The following ERBB4 variants were observed in gnomAD, a reference collection of about 807,000 sequenced individuals.
The protein encoded by ERBB4 is receptor tyrosine-protein kinase erbB-4.
Under a neutral mutation model 158.0 loss-of-function variants are expected in ERBB4, and 42 were observed. The observed-to-expected ratio is 0.27, with a 90% CI of 0.21 to 0.34. The LOEUF is 0.34. Among genes scored for constraint, ERBB4 ranks in the 10% least tolerant of loss-of-function variants. ERBB4 has a pLI of 1.00. For missense variants in ERBB4, 1,333 were observed against 1,624.1 expected (o/e 0.82, Z 3.08); for synonymous variants, 583 against 558.7 (o/e 1.04, Z -0.61).
chr2:211,408,339 A>G (rs1377257738), intron 25 of ERBB4, among the ~76,000 whole-genome samples: 1 of 152,182 alleles, frequency 6.6e-6, no homozygotes, highest in East Asian at 1.9e-4. Context: ...AACATTCATT[A>G]ACATTCTCAA....
At chr2:211,531,905 C>A (rs1369379408) in intron 20 of ERBB4, among the ~76,000 whole-genome samples, 1 of 152,032 alleles carries the variant, frequency 6.6e-6, no homozygotes, top group Non-Finnish European at 1.5e-5. Flanking sequence ...TTGGAAGCAA[C>A]CTAAATGTCC....
intron 1 of ERBB4, among the ~76,000 whole-genome samples, chr2:212,441,225 T>A (rs2105976968): frequency 6.6e-6 from 1 of 152,290 alleles, no homozygotes; most frequent in Non-Finnish European, 1.5e-5. Context: ...AGCTTCCCCA[T>A]CCCCAGTAGT....
intron 1 of ERBB4, among the ~76,000 whole-genome samples, chr2:212,302,665 G>T (rs59616461): frequency 0.048 from 7,321 of 151,508 alleles, 597 homozygotes; most frequent in African/African-American, 0.17. Flanking sequence ...AGAAAGAGAT[G>T]AATGGCTCTT....
chr2:211,704,802 T>A (rs1329639473), intron 10 of ERBB4, among the ~76,000 whole-genome samples: 1 of 152,206 alleles, frequency 6.6e-6, no homozygotes, highest in Non-Finnish European at 1.5e-5. Flanking sequence ...CTTTCAAAGA[T>A]ACTCATTTTG....
At chr2:211,560,982 T>C (rs1365543892) in intron 20 of ERBB4, among the ~76,000 whole-genome samples, 1 of 152,202 alleles carries the variant, frequency 6.6e-6, no homozygotes, top group Non-Finnish European at 1.5e-5. Flanking sequence ...AAAATATCTA[T>C]GGAATCTTAA....
chr2:212,061,214 T>A (rs1170490209), intron 2 of ERBB4, among the ~76,000 whole-genome samples: 1 of 151,508 alleles, frequency 6.6e-6, no homozygotes, highest in Non-Finnish European at 1.5e-5. Flanking sequence ...GCCAGCATTT[T>A]GGGAGGCTGA....
intron 1 of ERBB4, among the ~76,000 whole-genome samples, chr2:212,304,131 T>C (rs2086723305): frequency 6.6e-6 from 1 of 151,546 alleles, no homozygotes; most frequent in African/African-American, 2.4e-5. Flanking sequence ...CAAAATGCTT[T>C]CAGCAGAATC....
intron 22 of ERBB4, among the ~76,000 whole-genome samples, chr2:211,424,566 C>T (rs575159520): frequency 6.6e-6 from 1 of 152,144 alleles, no homozygotes; most frequent in South Asian, 2.1e-4. Context: ...CATATAGAAT[C>T]TGTTCCCCAT....
intron 25 of ERBB4, among the ~76,000 whole-genome samples, chr2:211,408,577 G>A (rs550205486): frequency 4.6e-5 from 7 of 152,272 alleles, no homozygotes; most frequent in Middle Eastern, 3.4e-3. Context: ...TCTAAGACAC[G>A]CATTGTCTTA....
At chr2:211,688,267 T>G (rs2072650798) in intron 12 of ERBB4, among the ~76,000 whole-genome samples, 1 of 152,212 alleles carries the variant, frequency 6.6e-6, no homozygotes, top group Non-Finnish European at 1.5e-5. Context: ...TTAATATTTC[T>G]TACAGCGCAG....
At chr2:212,512,327 TATATATATATACACACAA>T (rs1212905097) in intron 1 of ERBB4, among the ~76,000 whole-genome samples, 2 of 143,994 alleles carry the variant, frequency 1.4e-5, no homozygotes, top group African/African-American at 5.8e-5. Context: ...ATATTGAGTA[TATATATATATACACACAA>T]ATATATATAT....
chr2:212,151,281 AG>A (rs1305236193), intron 1 of ERBB4, among the ~76,000 whole-genome samples: 4 of 150,852 alleles, frequency 2.7e-5, no homozygotes, highest in African/African-American at 9.7e-5. Context: ...TATACATTAT[AG>A]GGGTTTAATA....
At chr2:212,410,279 GAAC>G in intron 1 of ERBB4, among the ~76,000 whole-genome samples, 1 of 141,454 alleles carries the variant, frequency 7.1e-6, no homozygotes, top group East Asian at 2.0e-4. Context: ...AGAGAGTAAA[GAAC>G]AATAGTAAAC....
intron 25 of ERBB4, among the ~76,000 whole-genome samples, chr2:211,399,359 A>G (rs2125349101): frequency 6.6e-6 from 1 of 152,344 alleles, no homozygotes; most frequent in Admixed American, 6.5e-5. Context: ...GAATCAAAGG[A>G]GAGATTAAAA....
chr2:211,495,904 T>A (rs1421889898), intron 20 of ERBB4, among the ~76,000 whole-genome samples: 1 of 152,010 alleles, frequency 6.6e-6, no homozygotes, highest in Non-Finnish European at 1.5e-5. Flanking sequence ...AAGAGAAACC[T>A]ATATAACATG....
At chr2:212,018,272 C>A (rs1390135304) in intron 2 of ERBB4, among the ~76,000 whole-genome samples, 1 of 152,136 alleles carries the variant, frequency 6.6e-6, no homozygotes, top group Admixed American at 6.6e-5. Flanking sequence ...ATTCTCTCAC[C>A]TTTAGGTTTA....
At chr2:211,566,190 A>G (rs943887071) in intron 19 of ERBB4, among the ~76,000 whole-genome samples, 4 of 152,214 alleles carry the variant, frequency 2.6e-5, no homozygotes, top group African/African-American at 9.6e-5. Flanking sequence ...CAGAACTGGT[A>G]GGAAAGATCA....
At chr2:211,970,704 C>T (rs998695718) in intron 2 of ERBB4, among the ~76,000 whole-genome samples, 22 of 151,966 alleles carry the variant, frequency 1.4e-4, no homozygotes, top group African/African-American at 4.3e-4. Context: ...CAACCCCTGC[C>T]TTTTTTCTGT....
rs186938267 is a variant in ERBB4 at position 211,536,012 on chromosome 2, A to G, written c.2487+25891T>C. 6.3e-3 allele frequency among the ~76,000 whole-genome samples: 950 copies of G among 151,986 alleles called. 11 individuals are homozygous for G. Among genetic ancestry groups the G allele is most frequent in the Non-Finnish European group, 8.1e-3 (550 of 67,978 alleles). On this transcript the variant is annotated intron_variant, in intron 20 of 27. Coordinates refer to ENST00000342788, the MANE Select transcript of ERBB4 (RefSeq NM_005235.3). ...AAGAACACCAAGAGTATACTGGAAA[A>G]GCGAATGGGAACACAGACTGAGGTC...
Sources: allele counts gnomAD v4.1 joint callset (sites outside exome capture counted in the v4.1 genomes callset), GRCh38; gene constraint gnomAD v4.1.1; transcripts MANE v1.5; gene names NCBI Gene and HGNC (gene_info 2026-07-23, HGNC 2026-07-21).